Variants in FAM181A observed in about 807,000 individuals in gnomAD.
FAM181A encodes the protein protein FAM181A.
A neutral mutation model predicts 16.3 loss-of-function variants in FAM181A; 7 were observed. The observed-to-expected ratio is 0.43, with a 90% CI of 0.24 to 0.81. The LOEUF (loss-of-function observed/expected upper bound fraction) is 0.81, where lower values mean the gene tolerates loss of function less well. Ranked by LOEUF, FAM181A falls within the 30% of genes least tolerant of loss-of-function variation. The pLI is 0.24. For missense variants in FAM181A, 349 were observed against 377.5 expected (o/e 0.92, Z 0.63); for synonymous variants, 183 against 164.9 (o/e 1.11, Z -0.84).
chr14:93,927,533 G>C (rs908839581), intron 1 of FAM181A, 79 bp downstream of exon 1: 2 of 1,283,734 alleles, frequency 1.6e-6, no homozygotes, highest in African/African-American at 1.5e-5. Context: ...GGAGGGGCGA[G>C]GTGCCGTGGG....
chr14:93,929,005 C>A lies in FAM181A; in HGVS notation c.720C>A (p.Gly240=). The change falls in exon 2 of 2, where the codon GGC becomes GGA. Residue 240 remains glycine (G), a synonymous_variant. Coordinates refer to ENST00000556222, the MANE Select transcript of FAM181A (RefSeq NM_001207073.2). ...ALPQSPVPSL[G]LWRKSPAFPG... ...CTCAGAGTCCTGTCCCCAGCCTGGG[C>A]CTTTGGAGGAAGAGCCCAGCCTTTC... The A allele has an allele frequency of 6.2e-7, 1 of 1,609,838 alleles. No homozygotes were observed. The highest frequency in any genetic ancestry group is 8.5e-7 in the Non-Finnish European group (1 of 1,177,470).
chr14:93,918,938 C>T (rs1887625395), exon 1 of FAM181A: 2 of 152,222 alleles, frequency 1.3e-5, no homozygotes, highest in African/African-American at 2.4e-5. Context: ...ACTTTTCATT[C>T]CTGGTTGGTG....
chr14:93,928,777 C>T lies in FAM181A; in HGVS notation c.492C>T (p.Pro164=). 1 of 1,613,932 alleles carries T rather than the reference C, an allele frequency of 6.2e-7. No individual in the cohort carries two copies. The highest frequency in any genetic ancestry group is 8.5e-7 in the Non-Finnish European group (1 of 1,179,928). ...GACTGGGCCCCAGGGAGGGACCTCC[C>T]TATGAGGGTAAGAAAAATTGCAAGG... The part of the protein sequence containing the change: ...EGGLGPREGP[P]YEGKKNCKGL... The change falls in exon 2 of 2, where the codon CCC becomes CCT. Residue 164 remains proline (P), a synonymous_variant. Transcript: ENST00000556222.
At chr14:93,919,839 A>G (rs1887658979) in intron 1 of FAM181A, among the ~76,000 whole-genome samples, 1 of 152,182 alleles carries the variant, frequency 6.6e-6, no homozygotes, top group Admixed American at 6.5e-5. Flanking sequence ...GCTGAGAGGA[A>G]ATTTTATAGC....
chr14:93,924,905 G>T (rs1307315311), upstream of FAM181A: 1 of 258,598 alleles, frequency 3.9e-6, no homozygotes, highest in African/African-American at 2.3e-5. Context: ...GCTGCCCCGA[G>T]GGTCAGGTGA....
chr14:93,928,966 C>G lies in FAM181A; in HGVS notation c.681C>G (p.Pro227=), dbSNP rs1052664673. The G allele has an allele frequency of 3.1e-6, 5 of 1,613,790 alleles. No homozygotes were observed. The African/African-American group carries it at 6.7e-5, about 22-fold the overall frequency. Residue 227 remains proline, a synonymous_variant, in exon 2 of 2, where the codon CCC becomes CCG. Coordinates refer to ENST00000556222, the MANE Select transcript of FAM181A (RefSeq NM_001207073.2). ...QYHGQPIYPG[P]LGALPQSPVP... is the part of the protein sequence containing the mutation. ...ATGGACAGCCCATCTATCCGGGCCC[C>G]CTGGGGGCACTGCCTCAGAGTCCTG...
chr14:93,922,743 G>T (rs1049870961), upstream of FAM181A, among the ~76,000 whole-genome samples: 1 of 152,156 alleles, frequency 6.6e-6, no homozygotes, highest in Non-Finnish European at 1.5e-5. Flanking sequence ...CATCTCAACT[G>T]CTTCTCTCTC....
intron 1 of FAM181A, among the ~76,000 whole-genome samples, chr14:93,927,819 G>T (rs561372816): frequency 3.9e-5 from 6 of 152,098 alleles, no homozygotes; most frequent in African/African-American, 1.2e-4. Flanking sequence ...TCAGCTCAGA[G>T]AATAAACACC....
intron 1 of FAM181A, 94 bp downstream of exon 1, chr14:93,927,548 G>T (rs746219128): frequency 4.7e-4 from 610 of 1,285,656 alleles, no homozygotes; most frequent in Non-Finnish European, 5.9e-4. Flanking sequence ...CGTGGGTGGC[G>T]GCCGAGGAGG....
intron 1 of FAM181A, chr14:93,922,121 C>T (rs1486020149): frequency 6.6e-6 from 1 of 152,204 alleles, no homozygotes; most frequent in Non-Finnish European, 1.5e-5. Context: ...TCTCTGTCTT[C>T]ATCTCTAAAA....
At chr14:93,926,864 G>C (rs1302943410), upstream of FAM181A, 1 of 152,306 alleles carries the variant, frequency 6.6e-6, no homozygotes, top group African/African-American at 2.4e-5. This position sits in a 1 kb window ranked among gnomAD's most constrained non-coding sequence, Gnocchi z 5.2. Flanking sequence ...GAGAGCGAGA[G>C]AGCCACTCAA....
intron 1 of FAM181A, among the ~76,000 whole-genome samples, chr14:93,920,586 A>C (rs531477113): frequency 6.6e-6 from 1 of 152,350 alleles, no homozygotes; most frequent in South Asian, 2.1e-4. Flanking sequence ...AAAAAAACAC[A>C]TGATCATATA....
In FAM181A at chr14:93,928,543, T is replaced by A; in HGVS notation, c.258T>A (p.Asp86Glu). The A allele has an allele frequency of 6.2e-7, 1 of 1,612,712 alleles. No individual in the cohort carries two copies. Among genetic ancestry groups the A allele is most frequent in the Non-Finnish European group, 8.5e-7 (1 of 1,179,136 alleles). Residue 86 changes from aspartate to glutamate, a missense_variant, in exon 2 of 2, where the codon GAT (aspartate) becomes GAA (glutamate). By Grantham distance (45) the Asp-to-Glu change is conservative (BLOSUM62 2). Coordinates refer to ENST00000556222, the MANE Select transcript of FAM181A (RefSeq NM_001207073.2). The part of the protein sequence containing the change: ...PRRLLLDLGP[D>E]SSPGGGGGCK... The stretch of plus-strand genomic sequence containing the variant: ...GGCTGCTCCTGGATTTGGGCCCTGA[T>A]TCCAGCCCCGGCGGGGGTGGGGGCT...
At position 93,928,379 on chromosome 14, in the gene FAM181A, C is replaced by T. The variant is rs765516099; in HGVS notation, c.94C>T (p.Arg32Cys). The stretch of plus-strand genomic sequence containing the variant: ...AGCCCTGGATAAGTCCGCACCCTGC[C>T]GCCGCTCCGTGGACCATCGCAAGTA... Reference protein sequence around the residue: ...KAALDKSAPCRRSVDHRKYLQ... With the variant: ...KAALDKSAPCCRSVDHRKYLQ... The change falls in exon 2 of 2, where the codon CGC becomes TGC. Residue 32 changes from arginine (R) to cysteine (C), a missense_variant. By Grantham distance (180) the Arg-to-Cys change is radical (BLOSUM62 -3). Coordinates refer to ENST00000556222, the MANE Select transcript of FAM181A (RefSeq NM_001207073.2). 1.7e-5 allele frequency: 28 copies of T among 1,613,754 alleles called. No individual in the cohort carries two copies. The highest frequency in any genetic ancestry group is 3.3e-5 in the South Asian group (3 of 91,090).
At chr14:93,927,551 C>G (rs756297883) in intron 1 of FAM181A, 97 bp downstream of exon 1, 1 of 1,284,626 alleles carries the variant, frequency 7.8e-7, no homozygotes. Flanking sequence ...GGGTGGCGGC[C>G]GAGGAGGCAT....
rs547268825 is a variant in FAM181A at position 93,920,107 on chromosome 14, G to T, written c.-225+1113G>T. Reference sequence around the variant, plus strand: ...GGCTGACCAAAAGAGAGAAGACATAGATTATGATATTAGAAGTGAAATGCA... The same window carrying T: ...GGCTGACCAAAAGAGAGAAGACATATATTATGATATTAGAAGTGAAATGCA... On this transcript the variant is annotated intron_variant, in intron 1 of 2. Transcript: ENST00000267594. Among the ~76,000 whole-genome samples the T allele has an allele frequency of 2.6e-5, 4 of 152,296 alleles. No homozygotes were observed. The South Asian group carries it at 8.3e-4, about 32-fold the overall frequency.
upstream of FAM181A, among the ~76,000 whole-genome samples, chr14:93,925,767 T>C (rs1887883335): frequency 6.6e-6 from 1 of 151,844 alleles, no homozygotes; most frequent in Non-Finnish European, 1.5e-5. Flanking sequence ...GCATGGAGAA[T>C]ACAGTGCTGG....
At chr14:93,925,623 C>T (rs957059643), upstream of FAM181A, among the ~76,000 whole-genome samples, 2 of 151,942 alleles carry the variant, frequency 1.3e-5, no homozygotes, top group Non-Finnish European at 2.9e-5. Context: ...GATGGTTTGG[C>T]TCTCACCCAT....
chr14:93,927,060 A>ACACACACACACC (rs143090510), upstream of FAM181A: 1,327 of 154,118 alleles, frequency 8.6e-3, 43 homozygotes, highest in East Asian at 0.077. Flanking sequence ...ACACACACAC[A>ACACACACACACC]CCCCACCCCC....
Sources: gnomAD v4.1 joint callset for allele counts (sites outside exome capture counted in the v4.1 genomes callset) on GRCh38, gnomAD v4.1.1 for gene constraint, Gnocchi (gnomAD v3.1) non-coding constraint, MANE v1.5 for transcripts, NCBI Gene and HGNC (gene_info 2026-07-23, HGNC 2026-07-21) for gene names.